BMPER: variants seen among roughly 807,000 people sequenced by gnomAD.
BMPER encodes BMP-binding endothelial regulator protein.
BMPER carries 45 observed loss-of-function variants against 87.3 expected under a neutral mutation model. The observed-to-expected ratio is 0.52, with a 90% CI of 0.41 to 0.66. BMPER has a LOEUF of 0.66. BMPER is among the 30% of genes least tolerant of loss of function. The pLI, the probability that BMPER is intolerant of heterozygous loss-of-function variation, is 0.00. For synonymous variants in BMPER, 326 were observed against 316.2 expected (o/e 1.03, Z -0.33); for missense variants, 784 against 867.5 (o/e 0.90, Z 1.21).
intron 2 of BMPER, among the ~76,000 whole-genome samples, chr7:33,929,519 T>C (rs765865481): frequency 1.6e-4 from 24 of 152,206 alleles, no homozygotes; most frequent in Non-Finnish European, 2.6e-4. Context: ...CACCAAGGTT[T>C]ATAAAGGTCT....
At chr7:33,975,494 AAG>A (rs942507126) in intron 6 of BMPER, among the ~76,000 whole-genome samples, 6 of 152,304 alleles carry the variant, frequency 3.9e-5, no homozygotes, top group African/African-American at 1.4e-4. Flanking sequence ...AGATATAAAA[AAG>A]AACTTGGCAC....
intron 5 of BMPER, among the ~76,000 whole-genome samples, chr7:33,972,659 A>G (rs1785578781): frequency 6.6e-6 from 1 of 151,880 alleles, no homozygotes; most frequent in Non-Finnish European, 1.5e-5. Context: ...ACAGGGCACT[A>G]CCTCCCATGC....
At chr7:34,064,681 C>T (rs1298662153) in intron 11 of BMPER, among the ~76,000 whole-genome samples, 1 of 152,196 alleles carries the variant, frequency 6.6e-6, no homozygotes, top group African/African-American at 2.4e-5. Context: ...TCAGTCAGTG[C>T]TGGAAGGGCC....
chr7:33,951,968 T>C (rs969252834), intron 3 of BMPER, among the ~76,000 whole-genome samples: 3 of 152,198 alleles, frequency 2.0e-5, no homozygotes, highest in Non-Finnish European at 4.4e-5. Flanking sequence ...CTTCTTTGAA[T>C]TCCATAGAGG....
intron 2 of BMPER, among the ~76,000 whole-genome samples, chr7:33,915,871 C>T (rs1297741032): frequency 6.6e-6 from 1 of 152,202 alleles, no homozygotes; most frequent in Non-Finnish European, 1.5e-5. Flanking sequence ...CTCATTTCTA[C>T]CCTTTAATAG....
intron 14 of BMPER, among the ~76,000 whole-genome samples, chr7:34,145,166 T>A (rs1790984241): frequency 6.6e-6 from 1 of 152,230 alleles, no homozygotes; most frequent in Non-Finnish European, 1.5e-5. Flanking sequence ...CAGCCAGTGT[T>A]GAAACCCCTG....
At chr7:34,035,984 C>T (rs1175659660) in intron 6 of BMPER, among the ~76,000 whole-genome samples, 7 of 152,294 alleles carry the variant, frequency 4.6e-5, no homozygotes, top group East Asian at 1.9e-4. Context: ...GGCCTCCGTT[C>T]GGCTTTCTTC....
intron 6 of BMPER, among the ~76,000 whole-genome samples, chr7:34,003,284 G>T (rs1786634978): frequency 6.6e-6 from 1 of 151,734 alleles, no homozygotes; most frequent in East Asian, 1.9e-4. Context: ...GGAAATTCTG[G>T]TTAACATCCT....
chr7:33,959,471 T>G (rs1227509046), intron 3 of BMPER, among the ~76,000 whole-genome samples: 12 of 152,174 alleles, frequency 7.9e-5, no homozygotes, highest in Non-Finnish European at 1.5e-5. Flanking sequence ...TTCTTCCTTC[T>G]TTGCCTGTTG....
chr7:34,135,920 T>C (rs890395301), intron 13 of BMPER, among the ~76,000 whole-genome samples: 2 of 152,160 alleles, frequency 1.3e-5, no homozygotes, highest in African/African-American at 4.8e-5. Flanking sequence ...ATAACTTTTA[T>C]ATCTACAACC....
Position 34,143,285 on chromosome 7 carries a change from T to C in BMPER, c.1801T>C (p.Ser601Pro), listed in dbSNP as rs1315563484. The part of the protein sequence containing the change: ...CPVHKNCYCE[S>P]FLAYTRACQR... Reference sequence around the variant, plus strand: ...AGTCCATAAAAACTGTTATTGCGAGTCATTTTTGGCATATACCCGGGCCTG... The same window carrying C: ...AGTCCATAAAAACTGTTATTGCGAGCCATTTTTGGCATATACCCGGGCCTG... The change falls in exon 14 of 15, where the codon TCA (serine) becomes CCA (proline). Residue 601 changes from serine to proline, a missense_variant. By Grantham distance (74) the Ser-to-Pro change is moderately conservative. Coordinates refer to ENST00000649409, the MANE Select transcript of BMPER (RefSeq NM_001365308.1). 2.5e-6 allele frequency: 4 copies of C among 1,614,004 alleles called. No individual in the cohort carries two copies. The highest frequency in any genetic ancestry group is 1.7e-6 in the Non-Finnish European group (2 of 1,179,962).
At chr7:34,043,297 AC>A (rs1404722976) in intron 6 of BMPER, among the ~76,000 whole-genome samples, 1 of 152,176 alleles carries the variant, frequency 6.6e-6, no homozygotes, top group Non-Finnish European at 1.5e-5. Context: ...AACCCAGGGA[AC>A]CAGACTCTTT....
rs554796350 is a variant in BMPER, at chr7:34,108,797, T to A, written c.1745+22705T>A. On this transcript the variant is annotated intron_variant, in intron 13 of 14. Transcript: ENST00000649409. ...ATGGGAAAACCCCTAACAGTCCCCA[T>A]GGATTTTTGAATGTTCCTAAACATT... Among the ~76,000 whole-genome samples the A allele has an allele frequency of 1.4e-4, 21 of 152,372 alleles. No homozygotes were observed. In the South Asian group the frequency reaches 3.7e-3, roughly 27 times the overall value.
At chr7:33,969,020 A>C (rs1326286122) in intron 4 of BMPER, among the ~76,000 whole-genome samples, 1 of 152,156 alleles carries the variant, frequency 6.6e-6, no homozygotes, top group African/African-American at 2.4e-5. Context: ...CTAGTACTTT[A>C]GTTGTTTTAT....
At chr7:34,018,725 A>G (rs1398646082) in intron 6 of BMPER, among the ~76,000 whole-genome samples, 1 of 151,928 alleles carries the variant, frequency 6.6e-6, no homozygotes, top group Non-Finnish European at 1.5e-5. Context: ...GAGAGGAACC[A>G]TGTTACAGTG....
chr7:33,918,062 A>G (rs1478785666), intron 2 of BMPER, among the ~76,000 whole-genome samples: 14 of 152,068 alleles, frequency 9.2e-5, no homozygotes, highest in Non-Finnish European at 2.9e-5. Flanking sequence ...GCTGACCTCA[A>G]ACTCCTGGCC....
chr7:34,111,111 T>A (rs971564108), intron 13 of BMPER, among the ~76,000 whole-genome samples: 1 of 152,260 alleles, frequency 6.6e-6, no homozygotes, highest in African/African-American at 2.4e-5. Flanking sequence ...AGTGACATGG[T>A]CCTGTTAACA....
At chr7:34,001,102 G>GT (rs1786568825) in intron 6 of BMPER, among the ~76,000 whole-genome samples, 1 of 151,144 alleles carries the variant, frequency 6.6e-6, no homozygotes, top group South Asian at 2.1e-4. Flanking sequence ...GAAGACTTTT[G>GT]TATCTATATT....
At chr7:33,993,377 A>C (rs948957370) in intron 6 of BMPER, among the ~76,000 whole-genome samples, 1 of 152,048 alleles carries the variant, frequency 6.6e-6, no homozygotes, top group Non-Finnish European at 1.5e-5. Flanking sequence ...TTCATCTTCC[A>C]TCACTGATAC....
Sources: allele counts gnomAD v4.1 joint callset (sites outside exome capture counted in the v4.1 genomes callset), GRCh38; gene constraint gnomAD v4.1.1; transcripts MANE v1.5; gene names NCBI Gene and HGNC (gene_info 2026-07-23, HGNC 2026-07-21).